The following NRG1 variants were observed in gnomAD, a reference collection of about 807,000 sequenced individuals.
NRG1 encodes pro-neuregulin-1, membrane-bound isoform.
A neutral mutation model predicts 63.8 loss-of-function variants in NRG1; 18 were observed. The observed-to-expected ratio is 0.28, with a 90% CI of 0.19 to 0.42. The LOEUF is 0.42. Among genes scored for constraint, NRG1 ranks in the 10% least tolerant of loss-of-function variants. NRG1 has a pLI of 1.00. For missense variants in NRG1, 762 were observed against 814.7 expected, an observed-to-expected ratio of 0.94 and a Z score of 0.79; for synonymous variants, 302 against 301.3, an observed-to-expected ratio of 1.00 and a Z score of -0.02.
intron 5 of NRG1, among the ~76,000 whole-genome samples, chr8:32,705,841 A>G (rs1320671628): frequency 6.6e-6 from 1 of 152,236 alleles, no homozygotes; most frequent in Non-Finnish European, 1.5e-5. Context: ...TGCCGTTGCA[A>G]TGAGTCCCAT....
At chr8:32,356,614 C>T (rs1416463432) in intron 1 of NRG1, among the ~76,000 whole-genome samples, 2 of 151,946 alleles carry the variant, frequency 1.3e-5, no homozygotes, top group Non-Finnish European at 2.9e-5. Context: ...TGATCTGCTA[C>T]GTGCAAATGG....
intron 1 of NRG1, among the ~76,000 whole-genome samples, chr8:31,862,703 A>G (rs561189402): frequency 5.9e-5 from 9 of 152,326 alleles, no homozygotes; most frequent in Non-Finnish European, 1.2e-4. Flanking sequence ...AAATATGCTA[A>G]GAGAATGACT....
At chr8:32,292,406 G>A (rs1266542518) in intron 1 of NRG1, among the ~76,000 whole-genome samples, 4 of 152,124 alleles carry the variant, frequency 2.6e-5, no homozygotes, top group Non-Finnish European at 5.9e-5. Context: ...AACCATATGT[G>A]ATAGATTCTA....
intron 1 of NRG1, among the ~76,000 whole-genome samples, chr8:32,413,312 T>G (rs1815375926): frequency 1.3e-5 from 2 of 152,218 alleles, no homozygotes; most frequent in Non-Finnish European, 2.9e-5. Context: ...GACTATTTAT[T>G]TACTTGGGTA....
At chr8:32,121,615 T>G (rs975771302) in intron 1 of NRG1, among the ~76,000 whole-genome samples, 1 of 152,062 alleles carries the variant, frequency 6.6e-6, no homozygotes, top group Non-Finnish European at 1.5e-5. Context: ...TAATTCTTGA[T>G]AGCTGAAAAT....
intron 1 of NRG1, among the ~76,000 whole-genome samples, chr8:32,243,434 GA>G (rs35033032): frequency 0.72 from 95,927 of 133,628 alleles, 33,014 homozygotes; most frequent in Middle Eastern, 0.8. Flanking sequence ...TGTCTCAAAA[GA>G]AAAAAAAAAA....
At chr8:32,343,720 C>A (rs1804374711) in intron 1 of NRG1, among the ~76,000 whole-genome samples, 1 of 152,144 alleles carries the variant, frequency 6.6e-6, no homozygotes. Context: ...GAAAGATTTG[C>A]TGATCAAAGA....
chr8:32,039,741 A>G (rs1447329536), intron 1 of NRG1, among the ~76,000 whole-genome samples: 2 of 152,118 alleles, frequency 1.3e-5, no homozygotes, highest in Non-Finnish European at 2.9e-5. Flanking sequence ...AGTCAATGCT[A>G]GGCATGGTGG....
intron 8 of NRG1, among the ~76,000 whole-genome samples, chr8:32,756,020 G>C (rs1237748065): frequency 1.3e-5 from 2 of 152,054 alleles, no homozygotes; most frequent in Non-Finnish European, 2.9e-5. Flanking sequence ...AAGCTTACAG[G>C]AATGAGCCAC....
intron 1 of NRG1, among the ~76,000 whole-genome samples, chr8:32,297,254 A>G (rs2129474661): frequency 6.6e-6 from 1 of 152,148 alleles, no homozygotes; most frequent in East Asian, 1.9e-4. Flanking sequence ...GTTCATAGTG[A>G]TCTATGAGTA....
chr8:32,330,170 C>T (rs1304708690), intron 1 of NRG1, among the ~76,000 whole-genome samples: 2 of 150,122 alleles, frequency 1.3e-5, no homozygotes, highest in African/African-American at 2.4e-5. Flanking sequence ...TACAGGCATG[C>T]ACCTTGTGTC....
intron 1 of NRG1, among the ~76,000 whole-genome samples, chr8:32,155,178 A>G (rs1837915836): frequency 6.6e-6 from 1 of 152,092 alleles, no homozygotes; most frequent in Non-Finnish European, 1.5e-5. Context: ...TGAAAAAAAA[A>G]TGTGAGACTA....
At chr8:32,322,869 T>TA (rs1801579367) in intron 1 of NRG1, among the ~76,000 whole-genome samples, 1 of 151,510 alleles carries the variant, frequency 6.6e-6, no homozygotes, top group East Asian at 1.9e-4. Flanking sequence ...TGGGTTTTTT[T>TA]TTTTTCATAC....
chr8:31,868,191 C>T (rs996794761), intron 1 of NRG1, among the ~76,000 whole-genome samples: 1 of 147,334 alleles, frequency 6.8e-6, no homozygotes, highest in Non-Finnish European at 1.5e-5. Context: ...CACACACACA[C>T]ACAAATAAGC....
chr8:32,395,678 T>C (rs1774941953), intron 1 of NRG1, among the ~76,000 whole-genome samples: 1 of 152,118 alleles, frequency 6.6e-6, no homozygotes, highest in Non-Finnish European at 1.5e-5. Flanking sequence ...GTTTTCCCAG[T>C]CTGTTTCTTA....
intron 1 of NRG1, among the ~76,000 whole-genome samples, chr8:31,849,009 A>T (rs771983685): frequency 2.0e-5 from 3 of 152,204 alleles, no homozygotes; most frequent in African/African-American, 4.8e-5. Context: ...AAAGTTGGGG[A>T]TTGCAGCTTT....
intron 1 of NRG1, among the ~76,000 whole-genome samples, chr8:31,662,864 T>C (rs998841769): frequency 6.6e-5 from 10 of 152,110 alleles, no homozygotes; most frequent in African/African-American, 1.9e-4. Flanking sequence ...ATTTTTTGGG[T>C]TCCTCTTCTC....
intron 1 of NRG1, among the ~76,000 whole-genome samples, chr8:31,946,258 T>G (rs1184335879): frequency 6.6e-6 from 1 of 152,204 alleles, no homozygotes; most frequent in Admixed American, 6.5e-5. Context: ...ACAATGTGTG[T>G]GCCCATTCTG....
chr8:32,042,456 A>C (rs570861077), intron 1 of NRG1, among the ~76,000 whole-genome samples: 1 of 151,558 alleles, frequency 6.6e-6, no homozygotes, highest in African/African-American at 2.4e-5. Flanking sequence ...TAAAAAAAAC[A>C]AAAAACAAGA....
Sources: allele counts gnomAD v4.1 joint callset (sites outside exome capture counted in the v4.1 genomes callset), GRCh38; gene constraint gnomAD v4.1.1; transcripts MANE v1.5; gene names NCBI Gene and HGNC (gene_info 2026-07-23, HGNC 2026-07-21).